The following FER variants were observed in gnomAD, a reference collection of about 807,000 sequenced individuals.
The protein encoded by FER is tyrosine-protein kinase Fer.
Under a neutral mutation model 111.0 loss-of-function variants are expected in FER, and 63 were observed. The observed-to-expected ratio is 0.57, with a 90% CI of 0.46 to 0.70. The LOEUF is 0.70. FER is among the 30% of genes least tolerant of loss of function. FER has a pLI of 0.00. For missense variants in FER, 914 were observed against 954.0 expected (o/e 0.96, Z 0.55); for synonymous variants, 327 against 313.9 (o/e 1.04, Z -0.44).
intron 16 of FER, among the ~76,000 whole-genome samples, chr5:109,086,236 A>G (rs547042044): frequency 6.6e-6 from 1 of 151,484 alleles, no homozygotes; most frequent in African/African-American, 2.4e-5. Flanking sequence ...AAATTTTTTT[A>G]TTTTATCTTG....
intron 5 of FER, among the ~76,000 whole-genome samples, chr5:108,840,548 C>T (rs1008597704): frequency 1.3e-4 from 20 of 151,506 alleles, no homozygotes; most frequent in African/African-American, 4.8e-4. Context: ...TTCTGGAGTC[C>T]AGTTTTCTTG....
rs1760422017 is a variant in FER, at chr5:108,970,051, A to T, written c.1656+10704A>T. Among the ~76,000 whole-genome samples, 7 of 148,138 alleles carry T rather than the reference A, an allele frequency of 4.7e-5. No individual in the cohort carries two copies. The South Asian group carries it at 1.4e-3, about 31-fold the overall frequency. On this transcript the variant is annotated intron_variant, in intron 13 of 19. Coordinates refer to ENST00000281092, the MANE Select transcript of FER (RefSeq NM_005246.4). ...CAATGTTTTAAAAACTATTTTTCCC[A>T]TAATTTATATGAAGAAATCGCATTG... is the stretch of plus-strand genomic sequence containing the variant.
At chr5:108,781,895 C>T (rs1754125165) in intron 2 of FER, among the ~76,000 whole-genome samples, 2 of 151,712 alleles carry the variant, frequency 1.3e-5, no homozygotes, top group African/African-American at 4.9e-5. Context: ...TTTTGTTTTC[C>T]CTCCCTCTGT....
At chr5:108,999,524 C>T (rs536079655) in intron 13 of FER, among the ~76,000 whole-genome samples, 6 of 151,986 alleles carry the variant, frequency 3.9e-5, no homozygotes, top group East Asian at 1.9e-4. Flanking sequence ...AGAGATGTGA[C>T]GTATGTGTGA....
chr5:108,997,946 C>T (rs1009071931), intron 13 of FER, among the ~76,000 whole-genome samples: 2 of 151,946 alleles, frequency 1.3e-5, no homozygotes, highest in Non-Finnish European at 2.9e-5. Flanking sequence ...AGGGTAAAAC[C>T]ACCTACTCAA....
intron 17 of FER, among the ~76,000 whole-genome samples, chr5:109,101,163 GC>G (rs1748185675): frequency 2.0e-5 from 3 of 151,884 alleles, no homozygotes; most frequent in Admixed American, 2.0e-4. Context: ...GTTTTTTAGT[GC>G]TAAATGTCAG....
In FER at chr5:109,100,442, A is replaced by G; in HGVS notation, c.1971A>G (p.Lys657=). The change falls in exon 17 of 20, where the codon AAA becomes AAG. Residue 657 remains lysine (K), a synonymous_variant. Coordinates refer to ENST00000281092, the MANE Select transcript of FER (RefSeq NM_005246.4). ...TFLRRKKDEL[K]LKQLVKFSLD... ...TGAGAAGGAAGAAGGATGAACTAAA[A>G]CTCAAACAGTTAGTGAAATTTTCAT... 1.9e-6 allele frequency: 3 copies of G among 1,611,440 alleles called. No homozygotes were observed. The highest frequency in any genetic ancestry group is 2.5e-6 in the Non-Finnish European group (3 of 1,178,136).
chr5:108,797,724 G>A (rs1304905717), intron 2 of FER, among the ~76,000 whole-genome samples: 1 of 152,244 alleles, frequency 6.6e-6, no homozygotes, highest in African/African-American at 2.4e-5. Flanking sequence ...TTTTGTGTGT[G>A]TAAATAGTTG....
intron 13 of FER, among the ~76,000 whole-genome samples, chr5:109,021,882 G>A (rs983563590): frequency 6.6e-6 from 1 of 152,042 alleles, no homozygotes; most frequent in Admixed American, 6.6e-5. Flanking sequence ...CGCATGTTAA[G>A]CATTGCAAGA....
Position 109,190,470 on chromosome 5 carries a change from G to T in FER, c.*2895G>T, listed in dbSNP as rs185657250. On this transcript the variant is annotated 3_prime_UTR_variant, in exon 20 of 20. Coordinates refer to ENST00000281092, the MANE Select transcript of FER (RefSeq NM_005246.4). ...TCTGTGTCTCACTGGTCACTAAGGG[G>T]CCTTTATGAGACAGTTTAGGTTGTT... 4.7e-4 allele frequency: 71 copies of T among 152,132 alleles called. No homozygotes were observed. Among genetic ancestry groups the T allele is most frequent in the African/African-American group, 1.7e-3 (69 of 41,520 alleles). 9.4% of individuals were successfully genotyped at this position (152,132 alleles called of 1,614,324 possible).
intron 18 of FER, 83 bp from the exon 19 acceptor site, chr5:109,186,117 C>A: frequency 1.3e-6 from 2 of 1,578,240 alleles, no homozygotes; most frequent in Non-Finnish European, 1.7e-6. Context: ...TGGTGCATGA[C>A]TGACACAGAC....
At chr5:109,044,643 C>T in intron 14 of FER, 37 bp from the exon 15 acceptor site, 3 of 1,082,154 alleles carry the variant, frequency 2.8e-6, no homozygotes, top group Non-Finnish European at 4.0e-6. Flanking sequence ...TACATGCTGT[C>T]ATTTACCCCA....
intron 13 of FER, among the ~76,000 whole-genome samples, chr5:108,993,322 C>T (rs900284367): frequency 6.6e-6 from 1 of 152,212 alleles, no homozygotes; most frequent in Admixed American, 6.5e-5. Flanking sequence ...GGATCACTCG[C>T]GGTTAGGAGC....
intron 12 of FER, among the ~76,000 whole-genome samples, chr5:108,957,432 A>G (rs1758569936): frequency 6.6e-6 from 1 of 151,630 alleles, no homozygotes; most frequent in African/African-American, 2.4e-5. Context: ...AATGGCTATT[A>G]TTAAAAACAC....
At chr5:109,068,145 C>T (rs1362894732) in intron 16 of FER, among the ~76,000 whole-genome samples, 2 of 151,592 alleles carry the variant, frequency 1.3e-5, no homozygotes, top group Non-Finnish European at 2.9e-5. Context: ...GGAAACATAC[C>T]TGCTCCCAAA....
chr5:109,154,306 T>C (rs189693714), intron 17 of FER, among the ~76,000 whole-genome samples: 1 of 152,088 alleles, frequency 6.6e-6, no homozygotes, highest in East Asian at 1.9e-4. Flanking sequence ...TTTATCTTCC[T>C]TGATGAAGTG....
At chr5:108,792,328 T>G (rs1483878094) in intron 2 of FER, among the ~76,000 whole-genome samples, 1 of 152,228 alleles carries the variant, frequency 6.6e-6, no homozygotes, top group Non-Finnish European at 1.5e-5. Flanking sequence ...TTCAATTTAC[T>G]TAGTTCTTTT....
intron 17 of FER, among the ~76,000 whole-genome samples, chr5:109,140,165 AATTG>A (rs1375470911): frequency 6.6e-6 from 1 of 152,216 alleles, no homozygotes; most frequent in South Asian, 2.1e-4. Context: ...TTATATTAAA[AATTG>A]ATTATTTGAG....
intron 16 of FER, among the ~76,000 whole-genome samples, chr5:109,069,217 G>A (rs2149989457): frequency 1.3e-5 from 2 of 152,234 alleles, no homozygotes; most frequent in Middle Eastern, 3.4e-3. Flanking sequence ...TTTTCTAAAA[G>A]TCAGCCATAA....
Sources: gnomAD v4.1 joint callset for allele counts (sites outside exome capture counted in the v4.1 genomes callset) on GRCh38, gnomAD v4.1.1 for gene constraint, MANE v1.5 for transcripts, NCBI Gene and HGNC (gene_info 2026-07-23, HGNC 2026-07-21) for gene names.